Variants in TMEFF2 observed in about 807,000 individuals in gnomAD.
TMEFF2 encodes the protein transmembrane protein with EGF like and two follistatin like domains 2.
In TMEFF2, 28 loss-of-function variants were observed where a neutral mutation model predicts 53.8. The ratio of observed to expected loss-of-function variants is 0.52; its 90% CI spans 0.39 to 0.71. The LOEUF (loss-of-function observed/expected upper bound fraction) is 0.71, where lower values mean the gene tolerates loss of function less well. Among genes scored for constraint, TMEFF2 ranks in the 30% least tolerant of loss-of-function variants. The pLI, the probability that TMEFF2 is intolerant of heterozygous loss-of-function variation, is 0.00. For missense variants in TMEFF2, 353 were observed against 455.2 expected, an observed-to-expected ratio of 0.78 and a Z score of 2.04; for synonymous variants, 162 against 166.3, an observed-to-expected ratio of 0.97 and a Z score of 0.20.
intron 5 of TMEFF2, chr2:192,032,095 C>A (rs1687152255): frequency 6.6e-6 from 1 of 152,100 alleles, no homozygotes; most frequent in Non-Finnish European, 1.5e-5. Flanking sequence ...GTGAAGTGAC[C>A]TGAAGGATCT....
intron 4 of TMEFF2, among the ~76,000 whole-genome samples, chr2:192,172,077 C>G (rs1690929797): frequency 6.6e-6 from 1 of 151,916 alleles, no homozygotes; most frequent in African/African-American, 2.4e-5. Context: ...CGGTATGCTC[C>G]CTTTTGGGAA....
At chr2:192,132,605 C>T (rs1689871111) in intron 4 of TMEFF2, among the ~76,000 whole-genome samples, 1 of 152,080 alleles carries the variant, frequency 6.6e-6, no homozygotes, top group African/African-American at 2.4e-5. Flanking sequence ...GTGAGACAAA[C>T]CCCAGCCACA....
At chr2:191,950,515 A>C in intron 9 of TMEFF2, 108 bp from the exon 10 acceptor site, 1 of 1,449,446 alleles carries the variant, frequency 6.9e-7, no homozygotes, top group East Asian at 2.3e-5. Context: ...AAAATATTTC[A>C]GATGAAAGAA....
chr2:191,963,349 C>A (rs985416251), intron 7 of TMEFF2, among the ~76,000 whole-genome samples: 3 of 152,208 alleles, frequency 2.0e-5, no homozygotes, highest in Admixed American at 6.5e-5. Context: ...TCCAGGCATC[C>A]TTTCTTAGTG....
chr2:192,114,030 T>C (rs1219510478), intron 4 of TMEFF2, among the ~76,000 whole-genome samples: 1 of 151,716 alleles, frequency 6.6e-6, no homozygotes, highest in African/African-American at 2.4e-5. Context: ...GATTTACTTT[T>C]TACTTGAGAA....
Position 192,191,895 on chromosome 2 carries a change from G to T in TMEFF2, c.267C>A (p.Cys89Ter). 1.2e-6 allele frequency: 2 copies of T among 1,610,224 alleles called. No homozygotes were observed. Among genetic ancestry groups the T allele is most frequent in the Non-Finnish European group, 1.7e-6 (2 of 1,176,780 alleles). Residue 89 changes from cysteine (C) to a stop codon, truncating the protein, a stop_gained, in exon 2 of 10, where the codon TGC becomes TGA. Coordinates refer to ENST00000272771, the MANE Select transcript of TMEFF2 (RefSeq NM_016192.4). LOFTEE classifies it high-confidence loss of function. ...ECLRIGDTVTCVCQFKCNNDY... is the reference protein window; with the variant it reads ...ECLRIGDTVT ...GACTTCTTACCTTGAACTGACAGAC[G>T]CAAGTCACAGTGTCTCCAATTCTTA... is the stretch of plus-strand genomic sequence containing the variant.
chr2:192,065,592 GGTCT>G (rs962117468), intron 4 of TMEFF2, among the ~76,000 whole-genome samples: 3 of 151,490 alleles, frequency 2.0e-5, no homozygotes, highest in Non-Finnish European at 4.4e-5. Flanking sequence ...TCAATCTAGT[GGTCT>G]GTGTTTTTTT....
chr2:192,057,918 C>CT (rs1272905376), intron 4 of TMEFF2, 143 bp from the exon 5 acceptor site: 47 of 638,378 alleles, frequency 7.4e-5, no homozygotes, highest in Non-Finnish European at 1.0e-4. Flanking sequence ...AAAAGCAACT[C>CT]TTTTTTTTCC....
intron 4 of TMEFF2, among the ~76,000 whole-genome samples, 167 bp from the exon 5 acceptor site, chr2:192,057,942 C>A (rs954466388): frequency 6.6e-6 from 1 of 152,180 alleles, no homozygotes; most frequent in African/African-American, 2.4e-5. Context: ...AATTTAAAGA[C>A]AACTCTAACA....
chr2:192,071,666 T>C (rs1266382642), intron 4 of TMEFF2, among the ~76,000 whole-genome samples: 1 of 151,904 alleles, frequency 6.6e-6, no homozygotes, highest in Non-Finnish European at 1.5e-5. Context: ...ATATAACCTA[T>C]GCACATCCTC....
intron 1 of TMEFF2, among the ~76,000 whole-genome samples, chr2:192,193,798 A>AGGGAGGGAGG (rs1237555343): frequency 7.2e-6 from 1 of 139,836 alleles, no homozygotes; most frequent in African/African-American, 2.8e-5. Flanking sequence ...AGAGAGAGAG[A>AGGGAGGGAGG]GAGAGAGAGA....
At chr2:192,152,617 A>G (rs1446246191) in intron 4 of TMEFF2, among the ~76,000 whole-genome samples, 1 of 151,870 alleles carries the variant, frequency 6.6e-6, no homozygotes, top group Admixed American at 6.6e-5. Context: ...ACCCGCACAC[A>G]GCAGATAGTT....
intron 5 of TMEFF2, among the ~76,000 whole-genome samples, chr2:191,999,939 A>ATAAT (rs986452834): frequency 6.6e-6 from 1 of 152,084 alleles, no homozygotes; most frequent in Non-Finnish European, 1.5e-5. Context: ...CTCATTTTAA[A>ATAAT]TAATAAAATA....
intron 5 of TMEFF2, among the ~76,000 whole-genome samples, chr2:192,015,380 T>G (rs1360006548): frequency 1.4e-5 from 2 of 141,824 alleles, no homozygotes; most frequent in African/African-American, 2.5e-5. Flanking sequence ...AGATGCTCAT[T>G]CCAAACTTGG....
chr2:192,136,488 G>C (rs1271463977), intron 4 of TMEFF2, among the ~76,000 whole-genome samples: 4 of 152,028 alleles, frequency 2.6e-5, no homozygotes, highest in Non-Finnish European at 5.9e-5. Flanking sequence ...CTGTATTTTA[G>C]TGTAGAATAA....
chr2:192,037,362 T>C (rs1387637103), intron 5 of TMEFF2, among the ~76,000 whole-genome samples: 1 of 146,590 alleles, frequency 6.8e-6, no homozygotes, highest in Admixed American at 6.8e-5. Context: ...AAAAAACCTC[T>C]CACTTAAGTT....
At chr2:192,152,452 T>C (rs1690410677) in intron 4 of TMEFF2, among the ~76,000 whole-genome samples, 1 of 151,728 alleles carries the variant, frequency 6.6e-6, no homozygotes, top group Admixed American at 6.6e-5. Context: ...GGACATTATA[T>C]GATATAATAG....
Position 192,184,345 on chromosome 2 carries a change from C to T in TMEFF2, c.412+9G>A. On this transcript the variant is annotated intron_variant, in intron 3 of 9. Transcript: ENST00000272771. ...ATGCAGAAGGTTTCAAAGAAGATCACACACATACCTGTGGCACATGATCCT... is the reference window on the plus strand; with the variant it reads ...ATGCAGAAGGTTTCAAAGAAGATCATACACATACCTGTGGCACATGATCCT... The T allele has an allele frequency of 6.2e-7, 1 of 1,612,814 alleles. No individual in the cohort carries two copies. The highest frequency in any genetic ancestry group is 8.5e-7 in the Non-Finnish European group (1 of 1,179,210).
intron 4 of TMEFF2, among the ~76,000 whole-genome samples, chr2:192,062,101 C>G (rs1248616704): frequency 1.3e-5 from 2 of 151,816 alleles, no homozygotes; most frequent in East Asian, 3.9e-4. Flanking sequence ...CATATCAAGA[C>G]ACATAGAACA....
Sources: allele counts gnomAD v4.1 joint callset (sites outside exome capture counted in the v4.1 genomes callset), GRCh38; gene constraint gnomAD v4.1.1; transcripts MANE v1.5; gene names NCBI Gene and HGNC (gene_info 2026-07-23, HGNC 2026-07-21).